PDCD6: variants seen among roughly 807,000 people sequenced by gnomAD.
PDCD6 encodes programmed cell death protein 6.
In PDCD6, 12 loss-of-function variants were observed where a neutral mutation model predicts 28.3. That is an observed-to-expected ratio of 0.42 (90% CI 0.27 to 0.69). The LOEUF (loss-of-function observed/expected upper bound fraction) is 0.69, where lower values mean the gene tolerates loss of function less well. Ranked by LOEUF, PDCD6 falls within the 30% of genes least tolerant of loss-of-function variation. The pLI, the probability that PDCD6 is intolerant of heterozygous loss-of-function variation, is 0.22. For missense variants in PDCD6, 226 were observed against 269.9 expected, an observed-to-expected ratio of 0.84 and a Z score of 1.14; for synonymous variants, 92 against 108.0, an observed-to-expected ratio of 0.85 and a Z score of 0.92.
chr5:311,432 G>GT (rs1560865643), intron 5 of PDCD6, 30 bp downstream of exon 5: 1 of 1,496,558 alleles, frequency 6.7e-7, no homozygotes, highest in South Asian at 1.1e-5. Context: ...TGGGTTTGTG[G>GT]TGGTGGTGGG....
chr5:289,872 A>G (rs1348551117), intron 2 of PDCD6: 37 of 1,507,208 alleles, frequency 2.5e-5, no homozygotes, highest in Non-Finnish European at 3.4e-5. Context: ...ACATAACACC[A>G]TTCATTCGAT....
intron 2 of PDCD6, among the ~76,000 whole-genome samples, chr5:279,724 T>C (rs1738440972): frequency 7.2e-6 from 1 of 138,836 alleles, no homozygotes. Flanking sequence ...AGGCAGATGA[T>C]GGATGAATAA....
At chr5:272,878 A>C (rs1456319311) in intron 2 of PDCD6, 106 bp downstream of exon 2, 1 of 1,453,078 alleles carries the variant, frequency 6.9e-7, no homozygotes, top group East Asian at 2.3e-5. Context: ...CAAAGGAATC[A>C]TTAGGACAAA....
intron 2 of PDCD6, among the ~76,000 whole-genome samples, chr5:290,557 C>T (rs1739257064): frequency 1.3e-5 from 2 of 152,248 alleles, no homozygotes. Flanking sequence ...CCTGGCACGT[C>T]ACCCTAAAAA....
intron 2 of PDCD6, chr5:290,321 T>C (rs1157203942): frequency 2.4e-6 from 3 of 1,273,216 alleles, no homozygotes; most frequent in Non-Finnish European, 3.4e-6. Flanking sequence ...TCAACGTCCA[T>C]GGCTTCCTGG....
intron 2 of PDCD6, among the ~76,000 whole-genome samples, chr5:287,056 G>A (rs1451263950): frequency 6.6e-6 from 1 of 151,986 alleles, no homozygotes; most frequent in Non-Finnish European, 1.5e-5. Context: ...GACCCACGGA[G>A]GAGCTGGTAT....
intron 2 of PDCD6, among the ~76,000 whole-genome samples, chr5:285,419 A>C (rs1308012652): frequency 1.1e-4 from 16 of 144,658 alleles, no homozygotes; most frequent in Non-Finnish European, 1.7e-4. Context: ...GCAGCTGGAG[A>C]CCTGATGGGA....
chr5:310,049 C>A, intron 4 of PDCD6: 1 of 261,686 alleles, frequency 3.8e-6, no homozygotes, highest in Non-Finnish European at 7.5e-6. Flanking sequence ...CTCTGTCCCC[C>A]ATGCACTCCC....
At chr5:313,000 A>T (rs1741022797) in intron 5 of PDCD6, among the ~76,000 whole-genome samples, 1 of 152,242 alleles carries the variant, frequency 6.6e-6, no homozygotes, top group Non-Finnish European at 1.5e-5. Flanking sequence ...GGAGTAACAC[A>T]GGCGGCCTCA....
chr5:301,009 C>T (rs1209950730), intron 2 of PDCD6, among the ~76,000 whole-genome samples: 8 of 152,214 alleles, frequency 5.3e-5, no homozygotes, highest in Non-Finnish European at 8.8e-5. Context: ...GTTAACATCT[C>T]GCTTGTGTTT....
In PDCD6 at chr5:271,709, G is replaced by A. The variant is rs1231535960; in HGVS notation, c.-12G>A. ...GCTGCAGGCGCCTCAGCCCAGCCGC[G>A]TGCCTTGGCCCATGGCCGCCTACTC... On this transcript the variant is annotated 5_prime_UTR_variant, in exon 1 of 6. The change creates a new upstream start codon in the 5' untranslated region. Transcript: ENST00000264933. 8 of 1,508,536 alleles carry A rather than the reference G, an allele frequency of 5.3e-6. No homozygotes were observed. The highest frequency in any genetic ancestry group is 1.2e-5 in the South Asian group (1 of 84,782). 93.4% of individuals were successfully genotyped at this position (1,508,536 alleles called of 1,614,324 possible). A position where few individuals can be genotyped will look rare whatever the true frequency, so the allele number is the denominator to read the frequency against.
chr5:300,130 G>T (rs1739960082), intron 2 of PDCD6, among the ~76,000 whole-genome samples: 1 of 152,226 alleles, frequency 6.6e-6, no homozygotes, highest in Admixed American at 6.5e-5. Context: ...GGGGCCCTTG[G>T]CTGGCTCCTG....
rs1741174006 is a variant in PDCD6 at position 314,957 on chromosome 5, A to T, written c.*442A>T. 3.3e-6 allele frequency: 1 copy of T among 299,002 alleles called. No homozygotes were observed. Among genetic ancestry groups the T allele is most frequent in the African/African-American group, 2.2e-5 (1 of 45,514 alleles). 18.5% of individuals were successfully genotyped at this position (299,002 alleles called of 1,614,324 possible). A position where few individuals can be genotyped will look rare whatever the true frequency, so the allele number is the denominator to read the frequency against. ...TTGGAATATGTGACGTAAGCAATAA[A>T]GGGAATGTTAGACGTGTGGTCTGCC... On this transcript the variant is annotated 3_prime_UTR_variant, in exon 6 of 6. Transcript: ENST00000264933.
At chr5:273,900 C>A (rs908270836) in intron 2 of PDCD6, among the ~76,000 whole-genome samples, 4 of 149,962 alleles carry the variant, frequency 2.7e-5, no homozygotes, top group African/African-American at 4.9e-5. Context: ...ATTGTGCTTT[C>A]TTGGTTTTTC....
rs1397086378 is a variant in PDCD6, at chr5:271,740, G to A, written c.20G>A (p.Arg7His). Residue 7 changes from arginine to histidine, a missense_variant, in exon 1 of 6, where the codon CGC (arginine) becomes CAC (histidine). This residue lies in a region of PDCD6 where 72 missense variants were observed against 71.4 expected (regional missense o/e 1.01). Transcript: ENST00000264933. Reference sequence around the variant, plus strand: ...TGGCCCATGGCCGCCTACTCTTACCGCCCCGGCCCTGGGGCCGGCCCTGGG... The same window carrying A: ...TGGCCCATGGCCGCCTACTCTTACCACCCCGGCCCTGGGGCCGGCCCTGGG... Reference protein sequence around the residue: MAAYSYRPGPGAGPGPA... With the variant: MAAYSYHPGPGAGPGPA... 1 of 1,530,698 alleles carries A rather than the reference G, an allele frequency of 6.5e-7. No homozygotes were observed. The highest frequency in any genetic ancestry group is 2.6e-5 in the East Asian group (1 of 38,506). 94.8% of individuals were successfully genotyped at this position (1,530,698 alleles called of 1,614,324 possible).
At chr5:278,678 A>G (rs1337465967) in intron 2 of PDCD6, among the ~76,000 whole-genome samples, 1 of 151,066 alleles carries the variant, frequency 6.6e-6, no homozygotes, top group Non-Finnish European at 1.5e-5. Flanking sequence ...GTGCCATTGC[A>G]CTCCAGCCTG....
At chr5:278,975 G>A (rs1223008565) in intron 2 of PDCD6, among the ~76,000 whole-genome samples, 1 of 152,058 alleles carries the variant, frequency 6.6e-6, no homozygotes, top group African/African-American at 2.4e-5. Flanking sequence ...CCTGTGGCTT[G>A]CGGTTGTTTC....
At chr5:271,962 TC>T in intron 1 of PDCD6, 141 bp downstream of exon 1, 1 of 345,260 alleles carries the variant, frequency 2.9e-6, no homozygotes, top group Non-Finnish European at 4.9e-6. Context: ...CGCGGCCCCC[TC>T]CCGTCCCCTG....
At chr5:313,472 T>G (rs1386140709) in intron 5 of PDCD6, among the ~76,000 whole-genome samples, 1 of 152,168 alleles carries the variant, frequency 6.6e-6, no homozygotes, top group South Asian at 2.1e-4. Context: ...GGGTTGTTTT[T>G]TTTTCTTTGA....
Sources: allele counts gnomAD v4.1 joint callset (sites outside exome capture counted in the v4.1 genomes callset), GRCh38; gene constraint gnomAD v4.1.1; regional missense constraint gnomAD v4.1.1; transcripts MANE v1.5; gene names NCBI Gene and HGNC (gene_info 2026-07-23, HGNC 2026-07-21).